ROBO1: variants seen among roughly 807,000 people sequenced by gnomAD.
The protein encoded by ROBO1 is roundabout homolog 1.
A neutral mutation model predicts 195.9 loss-of-function variants in ROBO1; 149 were observed. The observed-to-expected ratio is 0.76, with a 90% CI of 0.67 to 0.87. The LOEUF (loss-of-function observed/expected upper bound fraction) is 0.87, where lower values mean the gene tolerates loss of function less well. Ranked by LOEUF, ROBO1 falls within the 40% of genes least tolerant of loss-of-function variation. The probability of loss-of-function intolerance (pLI) is 0.00; values close to 1 mark genes in which losing one functional copy is unlikely to be tolerated. For synonymous variants in ROBO1, 816 were observed against 733.2 expected (o/e 1.11, Z -1.82); for missense variants, 1,933 against 2,068.3 (o/e 0.93, Z 1.27).
rs141646103 is a variant in ROBO1 at position 78,597,800 on chromosome 3, C to G, written c.*1113G>C. 5.2e-5 allele frequency: 8 copies of G among 152,554 alleles called. No individual in the cohort carries two copies. In the East Asian group the frequency reaches 1.2e-3, roughly 22 times the overall value. The allele number at this position is 152,554 out of a possible 1,614,324, so 9.5% of individuals were successfully genotyped here. A position where few individuals can be genotyped will look rare whatever the true frequency, so the allele number is the denominator to read the frequency against. Reference sequence around the variant, plus strand: ...TAAAGTATGCATGTTACTTCACCATCTGTCATTATTCAAATATTCCAAATA... The same window carrying G: ...TAAAGTATGCATGTTACTTCACCATGTGTCATTATTCAAATATTCCAAATA... On this transcript the variant is annotated 3_prime_UTR_variant, in exon 31 of 31. Transcript: ENST00000464233.
At chr3:79,001,114 C>A (rs1304413124) in intron 3 of ROBO1, among the ~76,000 whole-genome samples, 1 of 151,882 alleles carries the variant, frequency 6.6e-6, no homozygotes, top group Non-Finnish European at 1.5e-5. Context: ...CACACCGGGG[C>A]CTGTCAGGGG....
intron 2 of ROBO1, among the ~76,000 whole-genome samples, chr3:79,474,042 T>C (rs367905919): frequency 3.3e-4 from 51 of 152,266 alleles, no homozygotes; most frequent in African/African-American, 3.4e-4. Context: ...TGAACAGACA[T>C]ATTAAGAATT....
intron 3 of ROBO1, among the ~76,000 whole-genome samples, chr3:78,943,544 G>C (rs1458185745): frequency 6.6e-6 from 1 of 152,140 alleles, no homozygotes; most frequent in Non-Finnish European, 1.5e-5. Context: ...TCTTTCTTCA[G>C]ATTGTTACTA....
intron 1 of ROBO1, among the ~76,000 whole-genome samples, chr3:79,692,074 T>A (rs1947313688): frequency 6.6e-6 from 1 of 151,796 alleles, no homozygotes; most frequent in East Asian, 1.9e-4. Flanking sequence ...ATAAAGCTGA[T>A]GATTGAAGGA....
intron 4 of ROBO1, among the ~76,000 whole-genome samples, chr3:78,936,732 T>C (rs1213299413): frequency 2.0e-5 from 3 of 152,068 alleles, no homozygotes; most frequent in Admixed American, 6.5e-5. Context: ...CATTCATGGG[T>C]ATTTGTATAT....
chr3:79,206,272 T>C (rs1319522191), intron 2 of ROBO1, among the ~76,000 whole-genome samples: 2 of 152,156 alleles, frequency 1.3e-5, no homozygotes, highest in African/African-American at 4.8e-5. Context: ...GTAATCATTA[T>C]TTTACTTAAT....
chr3:78,758,115 C>T (rs1296535363), intron 4 of ROBO1, among the ~76,000 whole-genome samples: 2 of 152,186 alleles, frequency 1.3e-5, no homozygotes, highest in African/African-American at 2.4e-5. Context: ...GCTAGAATCA[C>T]GCTAACAACT....
intron 21 of ROBO1, among the ~76,000 whole-genome samples, chr3:78,643,394 G>A (rs1356216949): frequency 1.3e-5 from 2 of 152,140 alleles, no homozygotes; most frequent in Non-Finnish European, 2.9e-5. Flanking sequence ...CTTATGTTAC[G>A]CACTTCATTG....
At chr3:79,466,511 A>T (rs941567069) in intron 2 of ROBO1, among the ~76,000 whole-genome samples, 1 of 152,210 alleles carries the variant, frequency 6.6e-6, no homozygotes, top group Non-Finnish European at 1.5e-5. Flanking sequence ...ATGAAGCTCA[A>T]TAATTATTGT....
intron 3 of ROBO1, among the ~76,000 whole-genome samples, chr3:79,106,240 C>T (rs1001929837): frequency 6.6e-6 from 1 of 151,624 alleles, no homozygotes; most frequent in African/African-American, 2.4e-5. Flanking sequence ...TTCTAAAAGC[C>T]TATAAATCAG....
intron 2 of ROBO1, among the ~76,000 whole-genome samples, chr3:79,347,269 A>AT (rs2035159199): frequency 6.6e-6 from 1 of 152,182 alleles, no homozygotes; most frequent in Non-Finnish European, 1.5e-5. Context: ...CCATAATGCT[A>AT]TTTCCTCTTC....
At position 78,809,389 on chromosome 3, in the gene ROBO1, G is replaced by C. The variant is rs371545574; in HGVS notation, c.500-62489C>G. 1.6e-4 allele frequency among the ~76,000 whole-genome samples: 24 copies of C among 152,338 alleles called. No individual in the cohort carries two copies. In the South Asian group the frequency reaches 5.0e-3, roughly 32 times the overall value. On this transcript the variant is annotated intron_variant, in intron 4 of 30. Coordinates refer to ENST00000464233, the MANE Select transcript of ROBO1 (RefSeq NM_002941.4). ...AAATAGGAACGCTTTTACACTGTTG[G>C]TGGGAGTGTCAATTAGTTCAACCAT...
At chr3:79,657,105 C>CA (rs1946189858) in intron 1 of ROBO1, among the ~76,000 whole-genome samples, 1 of 151,876 alleles carries the variant, frequency 6.6e-6, no homozygotes, top group African/African-American at 2.4e-5. Context: ...TTAGTTAATT[C>CA]AAAAAATATG....
chr3:79,314,575 T>G (rs1303573715), intron 2 of ROBO1, among the ~76,000 whole-genome samples: 1 of 152,240 alleles, frequency 6.6e-6, no homozygotes, highest in Non-Finnish European at 1.5e-5. Context: ...CTTTCCTTTA[T>G]AAATGACCCA....
At chr3:79,146,048 A>C (rs2080643084) in intron 2 of ROBO1, among the ~76,000 whole-genome samples, 1 of 151,526 alleles carries the variant, frequency 6.6e-6, no homozygotes, top group Non-Finnish European at 1.5e-5. Context: ...CAAAAAAAAA[A>C]AGTCTACTTA....
At chr3:79,283,700 C>CT (rs762896053) in intron 2 of ROBO1, among the ~76,000 whole-genome samples, 18,413 of 141,240 alleles carry the variant, frequency 0.13, 2,709 homozygotes, top group African/African-American at 0.36. Context: ...TCCATGAATT[C>CT]TTTTTTTTTT....
intron 1 of ROBO1, among the ~76,000 whole-genome samples, chr3:79,737,390 A>T (rs895359257): frequency 1.3e-5 from 2 of 152,206 alleles, no homozygotes; most frequent in Non-Finnish European, 2.9e-5. Context: ...AATGCCTTAT[A>T]CTTAATCTAA....
chr3:79,347,770 C>T (rs960988134), intron 2 of ROBO1, among the ~76,000 whole-genome samples: 1 of 152,100 alleles, frequency 6.6e-6, no homozygotes, highest in African/African-American at 2.4e-5. Context: ...TAAGATATAA[C>T]AACAAATGTA....
At chr3:79,164,854 CT>C (rs1176499960) in intron 2 of ROBO1, among the ~76,000 whole-genome samples, 1 of 152,154 alleles carries the variant, frequency 6.6e-6, no homozygotes, top group Non-Finnish European at 1.5e-5. Context: ...GCTAGAAGCA[CT>C]TTCTCCAAAT....
Sources: allele counts gnomAD v4.1 joint callset (sites outside exome capture counted in the v4.1 genomes callset), GRCh38; gene constraint gnomAD v4.1.1; transcripts MANE v1.5; gene names NCBI Gene and HGNC (gene_info 2026-07-23, HGNC 2026-07-21).